RPS6KA2: variants seen among roughly 807,000 people sequenced by gnomAD.
RPS6KA2 encodes the protein ribosomal protein S6 kinase alpha-2.
Under a neutral mutation model 91.8 loss-of-function variants are expected in RPS6KA2, and 42 were observed. The ratio of observed to expected loss-of-function variants is 0.46; its 90% CI spans 0.36 to 0.59. The LOEUF (loss-of-function observed/expected upper bound fraction) is 0.59, where lower values mean the gene tolerates loss of function less well. RPS6KA2 is among the 20% of genes least tolerant of loss of function. The pLI is 0.00. For missense variants in RPS6KA2, 798 were observed against 978.5 expected (o/e 0.82, Z 2.46); for synonymous variants, 414 against 393.6 (o/e 1.05, Z -0.61).
chr6:166,555,242 A>C (rs1784143541), intron 1 of RPS6KA2, among the ~76,000 whole-genome samples: 1 of 152,248 alleles, frequency 6.6e-6, no homozygotes, highest in African/African-American at 2.4e-5. Flanking sequence ...AGTTCTAAGC[A>C]GCATTCATCA....
At chr6:166,553,252 G>C (rs1047340826) in intron 1 of RPS6KA2, among the ~76,000 whole-genome samples, 3 of 152,130 alleles carry the variant, frequency 2.0e-5, no homozygotes, top group Admixed American at 2.0e-4. Flanking sequence ...CCGAGTAGCT[G>C]GGGCAACAGG....
intron 2 of RPS6KA2, among the ~76,000 whole-genome samples, chr6:166,676,253 G>A (rs1788616122): frequency 6.6e-6 from 1 of 151,224 alleles, no homozygotes; most frequent in Non-Finnish European, 1.5e-5. Context: ...GGAGGCGGAG[G>A]TTGCAGTGAA....
intron 2 of RPS6KA2, among the ~76,000 whole-genome samples, chr6:166,536,062 G>A (rs1325746468): frequency 3.9e-5 from 6 of 152,228 alleles, no homozygotes; most frequent in Admixed American, 1.3e-4. Context: ...TGGCACCAGT[G>A]CAAAAAGTCT....
At chr6:166,657,402 G>A (rs148922829) in intron 2 of RPS6KA2, among the ~76,000 whole-genome samples, 17 of 151,822 alleles carry the variant, frequency 1.1e-4, no homozygotes, top group Non-Finnish European at 2.1e-4. Flanking sequence ...TATTTTCAAC[G>A]ACAAAAATGA....
chr6:166,430,589 A>C lies in RPS6KA2; in HGVS notation c.1445T>G (p.Val482Gly), dbSNP rs1158064861. 21 of 1,613,670 alleles carry C rather than the reference A, an allele frequency of 1.3e-5. No individual in the cohort carries two copies. Among genetic ancestry groups the C allele is most frequent in the Non-Finnish European group, 1.8e-5 (21 of 1,179,852 alleles). The change falls in exon 16 of 21, where the codon GTG (valine) becomes GGG (glycine). Residue 482 changes from valine to glycine, a missense_variant. Physicochemically the swap from Val to Gly is moderately radical, Grantham distance 109. Coordinates refer to ENST00000265678, the MANE Select transcript of RPS6KA2 (RefSeq NM_021135.6). Reference protein sequence around the residue: ...LKDVYDDGKFVYLVMELMRGG... With the variant: ...LKDVYDDGKFGYLVMELMRGG... ...ACGCATCAGCTCCATTACCAGGTACACAAACTTGCCATCATCATAGACCTG... is the reference window on the plus strand; with the variant it reads ...ACGCATCAGCTCCATTACCAGGTACCCAAACTTGCCATCATCATAGACCTG...
intron 2 of RPS6KA2, among the ~76,000 whole-genome samples, chr6:166,707,485 G>T (rs1789714895): frequency 6.6e-6 from 1 of 152,228 alleles, no homozygotes; most frequent in Admixed American, 6.5e-5. Flanking sequence ...GGGTGGTGGG[G>T]AAGTGGCAGA....
At chr6:166,622,497 T>C (rs1583337135) in intron 1 of RPS6KA2, among the ~76,000 whole-genome samples, 1 of 152,218 alleles carries the variant, frequency 6.6e-6, no homozygotes, top group African/African-American at 2.4e-5. Flanking sequence ...TGAGAGTACC[T>C]GAAAATTATC....
chr6:166,846,051 CAAAA>C (rs1270919273), intron 2 of RPS6KA2, among the ~76,000 whole-genome samples: 2 of 151,834 alleles, frequency 1.3e-5, no homozygotes, highest in Non-Finnish European at 2.9e-5. Context: ...CATAGAAATG[CAAAA>C]GATTTTTCAA....
intron 1 of RPS6KA2, among the ~76,000 whole-genome samples, chr6:166,593,802 AACTC>A (rs10617584): frequency 0.011 from 1,630 of 152,342 alleles, 26 homozygotes; most frequent in African/African-American, 0.037. Flanking sequence ...ACAAACTTCA[AACTC>A]ACTAATACTT....
chr6:166,602,185 C>T (rs988535665), intron 1 of RPS6KA2, among the ~76,000 whole-genome samples: 3 of 152,234 alleles, frequency 2.0e-5, no homozygotes, highest in Non-Finnish European at 4.4e-5. Context: ...AGCCGATGGG[C>T]TGCGACTCAG....
At chr6:166,722,879 C>T (rs548252582) in intron 2 of RPS6KA2, among the ~76,000 whole-genome samples, 3 of 152,302 alleles carry the variant, frequency 2.0e-5, no homozygotes, top group East Asian at 1.9e-4. Context: ...GGAGTAATTT[C>T]GGTTACTCTT....
intron 2 of RPS6KA2, among the ~76,000 whole-genome samples, chr6:166,810,754 A>G (rs894216038): frequency 6.6e-6 from 1 of 152,216 alleles, no homozygotes; most frequent in African/African-American, 2.4e-5. Context: ...CAAGGTCACA[A>G]AGTACCATGG....
At chr6:166,682,842 C>T (rs1788874910) in intron 2 of RPS6KA2, among the ~76,000 whole-genome samples, 1 of 152,238 alleles carries the variant, frequency 6.6e-6, no homozygotes, top group Non-Finnish European at 1.5e-5. Flanking sequence ...CATTTGACCA[C>T]ATCCTAAGCC....
In RPS6KA2 at chr6:166,463,411, C is replaced by G. The variant is rs572416890; in HGVS notation, c.973-3860G>C. The G allele has an allele frequency of 2.0e-5, 3 of 152,278 alleles. No homozygotes were observed. The South Asian group carries it at 6.2e-4, about 32-fold the overall frequency. 9.4% of individuals were successfully genotyped at this position (152,278 alleles called of 1,614,324 possible). A position where few individuals can be genotyped will look rare whatever the true frequency, so the allele number is the denominator to read the frequency against. On this transcript the variant is annotated intron_variant, in intron 11 of 20. Coordinates refer to ENST00000265678, the MANE Select transcript of RPS6KA2 (RefSeq NM_021135.6). ...CTGGGACAATTCATGCCGAAACCGACGAGAGAAAATGCAGTCTCATGATCA... is the reference window on the plus strand; with the variant it reads ...CTGGGACAATTCATGCCGAAACCGAGGAGAGAAAATGCAGTCTCATGATCA...
At chr6:166,752,887 C>G (rs996648666) in intron 2 of RPS6KA2, among the ~76,000 whole-genome samples, 1 of 151,830 alleles carries the variant, frequency 6.6e-6, no homozygotes, top group Non-Finnish European at 1.5e-5. Context: ...CTGTGTTAAG[C>G]CTTGTATACT....
chr6:166,623,213 T>C (rs1786707692), intron 1 of RPS6KA2, among the ~76,000 whole-genome samples: 1 of 152,266 alleles, frequency 6.6e-6, no homozygotes, highest in South Asian at 2.1e-4. Context: ...GAAATGACTT[T>C]GCATATTGAC....
rs2128589643 is a variant in RPS6KA2, at chr6:166,733,051, G to C, written c.123+125149C>G. ...TTTCTGGAGGTTTGGGACCCTCTTT[G>C]CAGAAGCTTTCACGAGCCTAAGGGT... On this transcript the variant is annotated intron_variant, in intron 2 of 21. Coordinates refer to the RPS6KA2 transcript ENST00000503859. This position sits in a 1 kb window ranked among gnomAD's most constrained non-coding sequence, Gnocchi z 4.1. 6.6e-6 allele frequency among the ~76,000 whole-genome samples: 1 copy of C among 152,322 alleles called. No homozygotes were observed. The highest frequency in any genetic ancestry group is 2.1e-4 in the South Asian group (1 of 4,824).
chr6:166,793,702 T>C (rs1001254809), intron 2 of RPS6KA2, among the ~76,000 whole-genome samples: 69 of 152,260 alleles, frequency 4.5e-4, no homozygotes, highest in African/African-American at 1.6e-3. Context: ...TAGTGCCACA[T>C]ATCTACAACC....
In RPS6KA2 at chr6:166,626,884, G is replaced by A; in HGVS notation, c.99+37C>T. The stretch of plus-strand genomic sequence containing the variant: ...CTCGGGCGACCACGGCCCGCTCAGT[G>A]CCCGGCACCTGCGCGCCCCGAGGGC... On this transcript the variant is annotated intron_variant, in intron 1 of 20. Coordinates refer to ENST00000265678, the MANE Select transcript of RPS6KA2 (RefSeq NM_021135.6). The surrounding 1 kb of genome is among the most constrained non-coding windows in gnomAD (Gnocchi z 4.1). 1 of 1,440,844 alleles carries A rather than the reference G, an allele frequency of 6.9e-7. No individual in the cohort carries two copies. Among genetic ancestry groups the A allele is most frequent in the Non-Finnish European group, 9.2e-7 (1 of 1,087,458 alleles). 89.3% of individuals were successfully genotyped at this position (1,440,844 alleles called of 1,614,324 possible).
Sources: gnomAD v4.1 joint callset for allele counts (sites outside exome capture counted in the v4.1 genomes callset) on GRCh38, gnomAD v4.1.1 for gene constraint, Gnocchi (gnomAD v3.1) non-coding constraint, MANE v1.5 for transcripts, NCBI Gene and HGNC (gene_info 2026-07-23, HGNC 2026-07-21) for gene names.